The following LIN52 variants were observed in gnomAD, a reference collection of about 807,000 sequenced individuals.
LIN52 encodes lin-52 DREAM MuvB core complex component.
A neutral mutation model predicts 18.5 loss-of-function variants in LIN52; 4 were observed. That is an observed-to-expected ratio of 0.22 (90% CI 0.11 to 0.49). The LOEUF is 0.49. LIN52 is among the 20% of genes least tolerant of loss of function. The pLI, the probability that LIN52 is intolerant of heterozygous loss-of-function variation, is 0.97. For synonymous variants in LIN52, 34 were observed against 45.5 expected (o/e 0.75, Z 1.02); for missense variants, 102 against 139.5 (o/e 0.73, Z 1.35).
At chr14:74,128,174 T>G (rs1016671765) in intron 5 of LIN52, among the ~76,000 whole-genome samples, 1 of 152,154 alleles carries the variant, frequency 6.6e-6, no homozygotes. Flanking sequence ...CTTACTGCTT[T>G]GAAAGAATTT....
At chr14:74,194,696 A>G (rs1197372073) in intron 5 of LIN52, among the ~76,000 whole-genome samples, 1 of 152,192 alleles carries the variant, frequency 6.6e-6, no homozygotes, top group South Asian at 2.1e-4. Flanking sequence ...GGGCCTGTAA[A>G]TCATGACTTG....
intron 5 of LIN52, among the ~76,000 whole-genome samples, chr14:74,133,219 G>A (rs2061078806): frequency 6.6e-6 from 1 of 152,206 alleles, no homozygotes; most frequent in Non-Finnish European, 1.5e-5. Context: ...GAGAAATCTT[G>A]TGATTGGGTT....
chr14:74,119,339 T>A lies in LIN52; in HGVS notation c.283+18101T>A, dbSNP rs976624361. On this transcript the variant is annotated intron_variant, in intron 5 of 5. Transcript: ENST00000555028. ...CACCACGCCCAGCTAATTTTTTTTGTATTTTTAGTAGAGACAGGGTTTCAC... is the reference window on the plus strand; with the variant it reads ...CACCACGCCCAGCTAATTTTTTTTGAATTTTTAGTAGAGACAGGGTTTCAC... Among the ~76,000 whole-genome samples the A allele has an allele frequency of 6.6e-5, 10 of 152,008 alleles. No homozygotes were observed. The Middle Eastern group carries it at 0.01, about 155-fold the overall frequency.
intron 5 of LIN52, among the ~76,000 whole-genome samples, chr14:74,105,205 A>G (rs2060889371): frequency 6.6e-6 from 1 of 152,208 alleles, no homozygotes; most frequent in Non-Finnish European, 1.5e-5. Flanking sequence ...ACACAATTAA[A>G]GCCATTATTA....
intron 1 of LIN52, among the ~76,000 whole-genome samples, chr14:74,089,967 G>A (rs887134015): frequency 3.9e-5 from 6 of 151,974 alleles, no homozygotes; most frequent in Non-Finnish European, 7.4e-5. Flanking sequence ...GCATCTAGGG[G>A]TGGGTGCCTG....
intron 5 of LIN52, among the ~76,000 whole-genome samples, chr14:74,126,263 T>C (rs1429170936): frequency 2.6e-5 from 4 of 152,178 alleles, no homozygotes. Context: ...TATGGTGAAA[T>C]TAGAACCTTC....
intron 5 of LIN52, among the ~76,000 whole-genome samples, chr14:74,181,129 GAAAAA>G (rs2061316980): frequency 1.6e-5 from 2 of 127,868 alleles, no homozygotes; most frequent in South Asian, 2.5e-4. Context: ...AAAAAAAAAA[GAAAAA>G]AGAAAAGAAA....
intron 5 of LIN52, among the ~76,000 whole-genome samples, chr14:74,167,173 G>A (rs1312248288): frequency 7.5e-6 from 1 of 133,634 alleles, no homozygotes; most frequent in Non-Finnish European, 1.6e-5. Context: ...TGCAGCAAAT[G>A]TCATTCAACT....
At chr14:74,141,572 A>T (rs7144758) in intron 5 of LIN52, among the ~76,000 whole-genome samples, 118,045 of 152,152 alleles carry the variant, frequency 0.78, 46,113 homozygotes, top group Admixed American at 0.81. Context: ...GATTTTCCTT[A>T]CTTCAGGAAT....
intron 5 of LIN52, among the ~76,000 whole-genome samples, chr14:74,136,866 G>A (rs1031066742): frequency 2.0e-5 from 3 of 152,084 alleles, no homozygotes; most frequent in South Asian, 2.1e-4. Flanking sequence ...TAAAGGGAGC[G>A]TTAGAGTATT....
intron 5 of LIN52, among the ~76,000 whole-genome samples, chr14:74,158,195 A>C (rs1189296807): frequency 1.3e-5 from 2 of 150,488 alleles, no homozygotes; most frequent in African/African-American, 2.4e-5. Flanking sequence ...GCTCACTGCA[A>C]CCTCCGCCTC....
At chr14:74,130,936 T>A (rs2061062621) in intron 5 of LIN52, among the ~76,000 whole-genome samples, 1 of 146,268 alleles carries the variant, frequency 6.8e-6, no homozygotes, top group East Asian at 1.9e-4. Context: ...TAAACATAAT[T>A]TATGAATTAA....
intron 5 of LIN52, among the ~76,000 whole-genome samples, chr14:74,171,500 T>A (rs1038796271): frequency 6.6e-6 from 1 of 151,894 alleles, no homozygotes; most frequent in Non-Finnish European, 1.5e-5. Context: ...CTACAAAAAA[T>A]TTTAGTGGAA....
intron 1 of LIN52, chr14:74,085,479 T>G (rs2060721003): frequency 6.5e-6 from 1 of 152,706 alleles, no homozygotes; most frequent in African/African-American, 2.4e-5. Context: ...ATGATCTCTC[T>G]CCTGTCTCCT....
In LIN52 at chr14:74,167,112, C is replaced by CTTTTT. The variant is rs9323596; in HGVS notation, c.284-31794_284-31790dup. On this transcript the variant is annotated intron_variant, in intron 5 of 5. Coordinates refer to ENST00000555028, the MANE Select transcript of LIN52 (RefSeq NM_001024674.3). ...AAGAGGCCAACACTGGCCTCTGCTGCTTTTTTTTTTTTTTTTTTTTAGAAA... is the reference window on the plus strand; with the variant it reads ...AAGAGGCCAACACTGGCCTCTGCTGCTTTTTTTTTTTTTTTTTTTTTTTTTAGAAA... 1.5e-3 allele frequency among the ~76,000 whole-genome samples: 184 copies of CTTTTT among 119,064 alleles called. 4 individuals carry two copies. The highest frequency in any genetic ancestry group is 6.4e-3 in the East Asian group (24 of 3,734). The allele number at this position is 119,064 out of a possible 152,430, so 78.1% of individuals were successfully genotyped here.
At chr14:74,126,003 C>T (rs1035004157) in intron 5 of LIN52, among the ~76,000 whole-genome samples, 2 of 148,130 alleles carry the variant, frequency 1.4e-5, no homozygotes, top group African/African-American at 2.5e-5. Flanking sequence ...CTAACCTGCA[C>T]GTTGTGCACA....
Position 74,095,935 on chromosome 14 carries a change from T to C in LIN52, c.95-13T>C, listed in dbSNP as rs779169473. On this transcript the variant is annotated splice_polypyrimidine_tract_variant and intron_variant, in intron 2 of 5. Coordinates refer to ENST00000555028, the MANE Select transcript of LIN52 (RefSeq NM_001024674.3). The stretch of plus-strand genomic sequence containing the variant: ...TACTTATTGAATAAATAAAGTTTTG[T>C]TTTTCTTTTTAGTACCAGGTGTTGC... 1.9e-6 allele frequency: 3 copies of C among 1,593,208 alleles called. No homozygotes were observed. Among genetic ancestry groups the C allele is most frequent in the Middle Eastern group, 3.3e-4 (2 of 5,974 alleles).
chr14:74,173,727 G>A (rs904884430), intron 5 of LIN52, among the ~76,000 whole-genome samples: 1 of 152,080 alleles, frequency 6.6e-6, no homozygotes, highest in African/African-American at 2.4e-5. Flanking sequence ...TCAAAATATA[G>A]TATCTTTGTT....
At chr14:74,121,374 A>G (rs2060998517) in intron 5 of LIN52, among the ~76,000 whole-genome samples, 1 of 152,212 alleles carries the variant, frequency 6.6e-6, no homozygotes, top group Non-Finnish European at 1.5e-5. Flanking sequence ...TAACAAACAG[A>G]TTTCATCTAT....
Sources: allele counts gnomAD v4.1 joint callset (sites outside exome capture counted in the v4.1 genomes callset), GRCh38; gene constraint gnomAD v4.1.1; transcripts MANE v1.5; gene names NCBI Gene and HGNC (gene_info 2026-07-23, HGNC 2026-07-21).